Variants in COL14A1 observed in about 807,000 individuals in gnomAD.
COL14A1 encodes collagen alpha-1(XIV) chain.
COL14A1 carries 136 observed loss-of-function variants against 230.3 expected under a neutral mutation model. The ratio of observed to expected loss-of-function variants is 0.59; its 90% CI spans 0.51 to 0.68. COL14A1 has a LOEUF of 0.68. Among genes scored for constraint, COL14A1 ranks in the 30% least tolerant of loss-of-function variants. The pLI is 0.00. For synonymous variants in COL14A1, 792 were observed against 784.1 expected (o/e 1.01, Z -0.17); for missense variants, 1,976 against 2,215.8 (o/e 0.89, Z 2.17).
chr8:120,307,315 A>G (rs1038572076), intron 36 of COL14A1, among the ~76,000 whole-genome samples: 1 of 152,236 alleles, frequency 6.6e-6, no homozygotes, highest in Non-Finnish European at 1.5e-5. Context: ...ATATATGGAA[A>G]TCTGATATAT....
At chr8:120,345,239 T>C in intron 44 of COL14A1, 136 bp from the exon 45 acceptor site, 2 of 715,926 alleles carry the variant, frequency 2.8e-6, no homozygotes, top group Non-Finnish European at 4.4e-6. Flanking sequence ...GAAATCAACA[T>C]ATTTCAAAGG....
At chr8:120,170,527 T>C (rs149196980) in intron 5 of COL14A1, among the ~76,000 whole-genome samples, 2 of 152,170 alleles carry the variant, frequency 1.3e-5, no homozygotes, top group Admixed American at 6.5e-5. Context: ...GAATATTCTT[T>C]GAAATTTGTT....
intron 5 of COL14A1, among the ~76,000 whole-genome samples, chr8:120,189,390 AG>A (rs1346209016): frequency 4.6e-5 from 7 of 152,172 alleles, no homozygotes; most frequent in African/African-American, 1.7e-4. Flanking sequence ...CATACTTTGC[AG>A]TACAAAACCA....
intron 11 of COL14A1, 79 bp downstream of exon 11, chr8:120,208,440 A>G (rs1817516685): frequency 2.0e-6 from 3 of 1,476,200 alleles, no homozygotes; most frequent in African/African-American, 1.4e-5. Flanking sequence ...AATTCTGCTC[A>G]GGTCATGTTG....
chr8:120,234,503 T>C (rs1020576163), intron 19 of COL14A1, among the ~76,000 whole-genome samples: 2 of 152,188 alleles, frequency 1.3e-5, no homozygotes, highest in Admixed American at 6.5e-5. Flanking sequence ...ACCTAGTTTA[T>C]TAAGAGTTTT....
intron 1 of COL14A1, among the ~76,000 whole-genome samples, chr8:120,143,778 G>A (rs1814997725): frequency 6.6e-6 from 1 of 151,766 alleles, no homozygotes; most frequent in Non-Finnish European, 1.5e-5. Flanking sequence ...TCTCATGGTG[G>A]GAATTTTATC....
intron 46 of COL14A1, among the ~76,000 whole-genome samples, chr8:120,368,793 T>G (rs1003127413): frequency 2.0e-5 from 3 of 152,150 alleles, no homozygotes; most frequent in African/African-American, 7.2e-5. Context: ...TCATACAAAT[T>G]TACTTTAATT....
chr8:120,195,334 T>G (rs1816996940), intron 5 of COL14A1, among the ~76,000 whole-genome samples: 1 of 152,144 alleles, frequency 6.6e-6, no homozygotes, highest in African/African-American at 2.4e-5. Flanking sequence ...AATAAAGATT[T>G]TTTTAGACCA....
In COL14A1 at chr8:120,273,410, C is replaced by T. The variant is rs573479037; in HGVS notation, c.3213+3236C>T. 1.3e-5 allele frequency among the ~76,000 whole-genome samples: 2 copies of T among 151,340 alleles called. 1 individual carries two copies. The highest frequency in any genetic ancestry group is 4.2e-4 in the South Asian group (2 of 4,798). On this transcript the variant is annotated intron_variant, in intron 26 of 47. Transcript: ENST00000297848. ...TAGTGAAACAAGAACAAACCAAAGCCAAAGCTAGCAGAAGAAAAGAAATAA... is the reference window on the plus strand; with the variant it reads ...TAGTGAAACAAGAACAAACCAAAGCTAAAGCTAGCAGAAGAAAAGAAATAA...
At chr8:120,199,683 C>A in intron 8 of COL14A1, 117 bp downstream of exon 8, 1 of 1,026,248 alleles carries the variant, frequency 9.7e-7, no homozygotes, top group Non-Finnish European at 1.4e-6. Context: ...ACTTTCTAGT[C>A]TTGGCACTTG....
chr8:120,159,325 G>T (rs1176710088), intron 3 of COL14A1, among the ~76,000 whole-genome samples: 1 of 152,182 alleles, frequency 6.6e-6, no homozygotes, highest in East Asian at 1.9e-4. Context: ...GTGCCATATA[G>T]TAAGTGCTCA....
At chr8:120,283,274 A>T (rs7834446) in intron 31 of COL14A1, among the ~76,000 whole-genome samples, 99,939 of 152,032 alleles carry the variant, frequency 0.66, 33,918 homozygotes, top group African/African-American at 0.84. Flanking sequence ...AGATCAACAT[A>T]GTTTATTACA....
chr8:120,342,516 C>T, intron 44 of COL14A1, 70 bp downstream of exon 44: 7 of 1,433,094 alleles, frequency 4.9e-6, no homozygotes, highest in East Asian at 2.3e-5. Context: ...TTTCTTTTCC[C>T]ATGAGCGTAC....
chr8:120,358,830 A>T (rs933832872), intron 45 of COL14A1, among the ~76,000 whole-genome samples: 12 of 152,094 alleles, frequency 7.9e-5, no homozygotes, highest in African/African-American at 2.4e-4. Context: ...GAATTTTTTG[A>T]CATGGCTTTC....
chr8:120,140,237 A>G (rs1335565474), intron 1 of COL14A1, among the ~76,000 whole-genome samples: 12 of 152,110 alleles, frequency 7.9e-5, no homozygotes, highest in Non-Finnish European at 4.4e-5. Context: ...GTTCTGTTTC[A>G]TACTTATTTC....
At chr8:120,354,949 T>A (rs752567905) in intron 45 of COL14A1, among the ~76,000 whole-genome samples, 5 of 151,988 alleles carry the variant, frequency 3.3e-5, no homozygotes, top group Non-Finnish European at 5.9e-5. Context: ...GCTAGTTGGT[T>A]ACCTCTCCCC....
rs939147040 is a variant in COL14A1, at chr8:120,224,644, T to C, written c.1738-444T>C. ...GTGGAAGATAGAGGAATGTTTCAAA[T>C]ATTTACTATTTTCTTTAGTATTAAT... On this transcript the variant is annotated intron_variant, in intron 14 of 47. Coordinates refer to ENST00000297848, the MANE Select transcript of COL14A1 (RefSeq NM_021110.4). Among the ~76,000 whole-genome samples, 21 of 152,336 alleles carry C rather than the reference T, an allele frequency of 1.4e-4. No individual in the cohort carries two copies. In the East Asian group the frequency reaches 2.7e-3, roughly 20 times the overall value.
chr8:120,324,313 A>C (rs1821577193), intron 40 of COL14A1, among the ~76,000 whole-genome samples: 2 of 152,190 alleles, frequency 1.3e-5, no homozygotes, highest in South Asian at 2.1e-4. Context: ...TTATCTGTGC[A>C]TATATACATA....
At chr8:120,252,037 G>A (rs546861312) in intron 22 of COL14A1, among the ~76,000 whole-genome samples, 191 of 151,928 alleles carry the variant, frequency 1.3e-3, no homozygotes, top group African/African-American at 4.2e-3. Flanking sequence ...AATAAAAATT[G>A]TATATATTCA....
Sources: gnomAD v4.1 joint callset for allele counts (sites outside exome capture counted in the v4.1 genomes callset) on GRCh38, gnomAD v4.1.1 for gene constraint, MANE v1.5 for transcripts, NCBI Gene and HGNC (gene_info 2026-07-23, HGNC 2026-07-21) for gene names.